The following DTNB variants were observed in gnomAD, a reference collection of about 807,000 sequenced individuals.
DTNB encodes the protein dystrobrevin beta, also known as DTN-B.
A neutral mutation model predicts 90.7 loss-of-function variants in DTNB; 63 were observed. The observed-to-expected ratio is 0.69, with a 90% CI of 0.57 to 0.86. The LOEUF (loss-of-function observed/expected upper bound fraction) is 0.86. Among genes scored for constraint, DTNB ranks in the 40% least tolerant of loss-of-function variants. The probability of loss-of-function intolerance (pLI) is 0.00; values close to 1 mark genes in which losing one functional copy is unlikely to be tolerated. For synonymous variants in DTNB, 277 were observed against 286.7 expected (o/e 0.97, Z 0.34); for missense variants, 744 against 807.1 (o/e 0.92, Z 0.95).
intron 7 of DTNB, 47 bp from the exon 8 acceptor site, chr2:25,577,051 G>A: frequency 3.7e-5 from 54 of 1,471,284 alleles, no homozygotes; most frequent in South Asian, 9.6e-5. Flanking sequence ...AGGAGGGAAG[G>A]GATAGAATAA....
At chr2:25,428,185 CT>C (rs202225555) in intron 14 of DTNB, among the ~76,000 whole-genome samples, 3 of 151,392 alleles carry the variant, frequency 2.0e-5, no homozygotes, top group Admixed American at 6.6e-5. Flanking sequence ...GTCTCTGTCT[CT>C]TTTTTTTTCC....
chr2:25,465,586 C>T lies in DTNB; in HGVS notation c.1080-10092G>A, dbSNP rs1041042672. 5.3e-5 allele frequency among the ~76,000 whole-genome samples: 8 copies of T among 152,306 alleles called. No individual in the cohort carries two copies. In the East Asian group the frequency reaches 7.7e-4, roughly 15 times the overall value. The stretch of plus-strand genomic sequence containing the variant: ...TTTCTACGCTCGGCCCTCTGCTCAC[C>T]GCGCTTCAGCCGTGCTGACCTTTCC... On this transcript the variant is annotated intron_variant, in intron 10 of 20. Coordinates refer to ENST00000406818, the MANE Select transcript of DTNB (RefSeq NM_021907.5).
At chr2:25,589,281 C>G (rs1281701819) in intron 6 of DTNB, among the ~76,000 whole-genome samples, 1 of 151,414 alleles carries the variant, frequency 6.6e-6, no homozygotes, top group East Asian at 1.9e-4. Flanking sequence ...CCTGCATACA[C>G]TGATTGTAAG....
At chr2:25,648,049 A>C (rs1174145486) in intron 2 of DTNB, among the ~76,000 whole-genome samples, 1 of 152,200 alleles carries the variant, frequency 6.6e-6, no homozygotes, top group Non-Finnish European at 1.5e-5. Flanking sequence ...AAATTGGCAA[A>C]CTTTAGAAAA....
At chr2:25,535,914 G>A (rs576601155) in intron 8 of DTNB, among the ~76,000 whole-genome samples, 7 of 140,312 alleles carry the variant, frequency 5.0e-5, no homozygotes, top group African/African-American at 1.1e-4. Flanking sequence ...CCTCCCATTC[G>A]GGACAGCCAG....
chr2:25,566,754 A>C (rs2059104322), intron 8 of DTNB, among the ~76,000 whole-genome samples: 1 of 152,232 alleles, frequency 6.6e-6, no homozygotes, highest in Non-Finnish European at 1.5e-5. Context: ...GGTTGCAGGG[A>C]AGTGGCGTTC....
intron 12 of DTNB, among the ~76,000 whole-genome samples, chr2:25,443,228 A>G (rs1042497503): frequency 2.6e-5 from 4 of 152,236 alleles, no homozygotes; most frequent in African/African-American, 9.6e-5. Context: ...TGAAGGCTCC[A>G]GACTGGGATC....
intron 10 of DTNB, among the ~76,000 whole-genome samples, chr2:25,466,561 G>T (rs191151077): frequency 6.6e-6 from 1 of 152,266 alleles, no homozygotes; most frequent in Admixed American, 6.5e-5. Flanking sequence ...TCCTGTGGCC[G>T]AGTCACTCAG....
chr2:25,557,278 C>T (rs1215170941), intron 8 of DTNB, among the ~76,000 whole-genome samples: 1 of 152,206 alleles, frequency 6.6e-6, no homozygotes, highest in Non-Finnish European at 1.5e-5. Context: ...TTCCCATGTG[C>T]TTCTGTGTAT....
chr2:25,525,144 T>G (rs967030302), intron 9 of DTNB, among the ~76,000 whole-genome samples: 1 of 152,200 alleles, frequency 6.6e-6, no homozygotes, highest in Non-Finnish European at 1.5e-5. Context: ...CAGAACGACA[T>G]GTAGAGCATG....
intron 16 of DTNB, among the ~76,000 whole-genome samples, chr2:25,404,911 C>A (rs111456552): frequency 1.3e-5 from 2 of 152,010 alleles, no homozygotes; most frequent in South Asian, 4.1e-4. Flanking sequence ...CGTGGAAAAT[C>A]CAACTCGCCA....
intron 4 of DTNB, among the ~76,000 whole-genome samples, chr2:25,617,513 GT>G (rs1319264293): frequency 2.0e-5 from 3 of 151,978 alleles, no homozygotes; most frequent in Non-Finnish European, 4.4e-5. Context: ...CTATCAAAAG[GT>G]TTATACACTC....
intron 8 of DTNB, among the ~76,000 whole-genome samples, chr2:25,534,458 C>T (rs1402788201): frequency 1.3e-5 from 2 of 151,978 alleles, no homozygotes; most frequent in Non-Finnish European, 2.9e-5. Context: ...ACATTTCCCC[C>T]TTTTCTTTTC....
chr2:25,533,586 C>G (rs919005328), intron 8 of DTNB, among the ~76,000 whole-genome samples: 1 of 152,120 alleles, frequency 6.6e-6, no homozygotes, highest in Non-Finnish European at 1.5e-5. Context: ...TAAATAAATG[C>G]CTTCATTTTC....
At chr2:25,419,583 A>T in intron 15 of DTNB, 48 bp from the exon 16 acceptor site, 1 of 1,549,322 alleles carries the variant, frequency 6.5e-7, no homozygotes, top group Non-Finnish European at 8.7e-7. Context: ...AAAGGAGAGA[A>T]ATTAATGCCC....
intron 10 of DTNB, among the ~76,000 whole-genome samples, chr2:25,467,877 C>A (rs2062081819): frequency 6.6e-6 from 1 of 152,130 alleles, no homozygotes; most frequent in Admixed American, 6.5e-5. Context: ...GTAGGGGAAG[C>A]AGCTATAGCC....
chr2:25,617,982 C>G (rs1479753305), intron 4 of DTNB, among the ~76,000 whole-genome samples: 1 of 152,148 alleles, frequency 6.6e-6, no homozygotes, highest in African/African-American at 2.4e-5. Flanking sequence ...AAGGGGTAGT[C>G]TCAACATCCT....
At chr2:25,621,755 C>G (rs2072745267) in intron 4 of DTNB, among the ~76,000 whole-genome samples, 1 of 151,628 alleles carries the variant, frequency 6.6e-6, no homozygotes. Flanking sequence ...CTGCACCCAG[C>G]CTAAACCAAC....
intron 5 of DTNB, among the ~76,000 whole-genome samples, chr2:25,603,062 C>T (rs1449345857): frequency 2.0e-5 from 3 of 152,144 alleles, no homozygotes; most frequent in Non-Finnish European, 4.4e-5. Context: ...CTTCCTGATA[C>T]ATATTGTTGA....
Sources: allele counts gnomAD v4.1 joint callset (sites outside exome capture counted in the v4.1 genomes callset), GRCh38; gene constraint gnomAD v4.1.1; transcripts MANE v1.5; gene names NCBI Gene and HGNC (gene_info 2026-07-23, HGNC 2026-07-21).